RGS6: variants seen among roughly 807,000 people sequenced by gnomAD.
RGS6 encodes regulator of G-protein signaling 6.
In RGS6, 30 loss-of-function variants were observed where a neutral mutation model predicts 78.5. The observed-to-expected ratio is 0.38, with a 90% CI of 0.29 to 0.52. RGS6 has a LOEUF of 0.52. Among genes scored for constraint, RGS6 ranks in the 20% least tolerant of loss-of-function variants. The pLI is 0.85. For missense variants in RGS6, 495 were observed against 609.7 expected (o/e 0.81, Z 1.98); for synonymous variants, 206 against 206.0 (o/e 1.00, Z 0.00).
rs1356600515 is a variant in RGS6 at position 72,357,513 on chromosome 14, G to C, written c.184+5319G>C. 2.6e-5 allele frequency among the ~76,000 whole-genome samples: 4 copies of C among 152,226 alleles called. No homozygotes were observed. The South Asian group carries it at 8.3e-4, about 31-fold the overall frequency. Reference sequence around the variant, plus strand: ...TAAAGTCCAGGCTGAGGTAGTCTCAGATGGAGATGAGAAACTTGTTAGGAA... The same window carrying C: ...TAAAGTCCAGGCTGAGGTAGTCTCACATGGAGATGAGAAACTTGTTAGGAA... On this transcript the variant is annotated intron_variant, in intron 3 of 17. Coordinates refer to ENST00000553525, the MANE Select transcript of RGS6 (RefSeq NM_001204424.2).
At chr14:72,442,138 G>C (rs1284370406) in intron 3 of RGS6, among the ~76,000 whole-genome samples, 1 of 151,702 alleles carries the variant, frequency 6.6e-6, no homozygotes, top group Non-Finnish European at 1.5e-5. Context: ...TGAATCTCTG[G>C]TGTCTGGCAG....
chr14:72,336,084 A>G (rs1179020294), intron 2 of RGS6, among the ~76,000 whole-genome samples: 1 of 152,174 alleles, frequency 6.6e-6, no homozygotes, highest in Non-Finnish European at 1.5e-5. Flanking sequence ...TTGCTGCCAT[A>G]TTATATTACA....
chr14:72,045,546 G>A (rs1052972114), intron 2 of RGS6, among the ~76,000 whole-genome samples: 8 of 152,138 alleles, frequency 5.3e-5, no homozygotes, highest in Admixed American at 1.3e-4. Context: ...TCTTTTAGAC[G>A]TAATCTAATG....
At chr14:72,042,253 G>A (rs556905456) in intron 2 of RGS6, among the ~76,000 whole-genome samples, 3 of 151,044 alleles carry the variant, frequency 2.0e-5, no homozygotes, top group East Asian at 3.9e-4. Flanking sequence ...TCAGCCTCCC[G>A]AGTAGTTGGG....
intron 13 of RGS6, among the ~76,000 whole-genome samples, chr14:72,508,550 G>T (rs1170746182): frequency 1.7e-5 from 2 of 117,902 alleles, no homozygotes. Flanking sequence ...AGCTTTCCAC[G>T]CACACAAGCT....
At chr14:72,447,504 A>C (rs1284425836) in intron 3 of RGS6, among the ~76,000 whole-genome samples, 1 of 152,214 alleles carries the variant, frequency 6.6e-6, no homozygotes, top group Non-Finnish European at 1.5e-5. Flanking sequence ...CTGATAAGTA[A>C]CACAAGGATT....
chr14:72,528,279 G>A (rs1030772121), intron 15 of RGS6, among the ~76,000 whole-genome samples: 5 of 152,152 alleles, frequency 3.3e-5, no homozygotes, highest in African/African-American at 9.7e-5. Flanking sequence ...ACTGTGCCTC[G>A]GACTCTATTG....
chr14:71,892,857 A>C, the RGS6 span, among the ~76,000 whole-genome samples: 1 of 152,206 alleles, frequency 6.6e-6, no homozygotes, highest in African/African-American at 2.4e-5. Flanking sequence ...TGGTGACTTT[A>C]TGTTAATGTT....
At position 72,025,644 on chromosome 14, in the gene RGS6, A is replaced by T. The variant is rs73295120; in HGVS notation, c.84+60769A>T. 4.1e-3 allele frequency among the ~76,000 whole-genome samples: 628 copies of T among 152,270 alleles called. 3 individuals are homozygous for T. Among genetic ancestry groups the T allele is most frequent in the African/African-American group, 0.014 (595 of 41,548 alleles). On this transcript the variant is annotated intron_variant, in intron 2 of 17. Transcript: ENST00000553525. ...TGATCATCCTCTTTTTATGGTCTGA[A>T]TATCTTTGAGCCCTTCAGAAACTTT... is the stretch of plus-strand genomic sequence containing the variant.
rs145677455 is a variant in RGS6 at position 72,192,242 on chromosome 14, C to T, written c.85-159853C>T. On this transcript the variant is annotated intron_variant, in intron 2 of 17. Transcript: ENST00000553525. ...TTTCCTGGTGGGGAGTGTGACACCA[C>T]CATCTTGTTCACCATTTGCAGAGTT... Among the ~76,000 whole-genome samples, 20 of 152,298 alleles carry T rather than the reference C, an allele frequency of 1.3e-4. No homozygotes were observed. In the East Asian group the frequency reaches 3.5e-3, roughly 26 times the overall value.
chr14:72,159,490 A>T (rs1000249945), intron 2 of RGS6, among the ~76,000 whole-genome samples: 6 of 152,244 alleles, frequency 3.9e-5, no homozygotes, highest in African/African-American at 1.4e-4. Context: ...ACTGACATCC[A>T]GATTGTGATC....
At chr14:72,177,466 A>G (rs1185655453) in intron 2 of RGS6, among the ~76,000 whole-genome samples, 3 of 152,192 alleles carry the variant, frequency 2.0e-5, no homozygotes, top group Non-Finnish European at 4.4e-5. Context: ...CACCAGTCCA[A>G]CCAGAGACTA....
chr14:71,934,771 T>C (rs1353280818), intron 1 of RGS6, among the ~76,000 whole-genome samples: 1 of 152,210 alleles, frequency 6.6e-6, no homozygotes, highest in Non-Finnish European at 1.5e-5. Flanking sequence ...AGGGACATAA[T>C]TTTGTGTGAA....
chr14:71,984,484 G>GGAAAAAAAAA (rs2094605147), intron 2 of RGS6, among the ~76,000 whole-genome samples: 1 of 117,434 alleles, frequency 8.5e-6, no homozygotes, highest in African/African-American at 3.3e-5. Context: ...GTCTCAAAAA[G>GGAAAAAAAAA]AAAAAAAAAA....
intron 2 of RGS6, among the ~76,000 whole-genome samples, chr14:72,231,296 T>TA (rs71448388): frequency 0.12 from 17,536 of 152,290 alleles, 1,263 homozygotes; most frequent in East Asian, 0.33. Flanking sequence ...TTATCATTGT[T>TA]ACGATTTCAT....
intron 2 of RGS6, among the ~76,000 whole-genome samples, chr14:72,105,096 C>T (rs76635637): frequency 0.047 from 7,153 of 152,190 alleles, 207 homozygotes; most frequent in Admixed American, 0.094. Context: ...ATCCAGACAC[C>T]AAGCATGAAG....
intron 3 of RGS6, among the ~76,000 whole-genome samples, chr14:72,356,263 C>T (rs373307983): frequency 2.0e-5 from 3 of 151,942 alleles, no homozygotes; most frequent in Admixed American, 6.6e-5. Flanking sequence ...CTCATAATAG[C>T]GAGTGAGTTC....
chr14:72,366,812 A>T lies in RGS6; in HGVS notation c.184+14618A>T, dbSNP rs912817238. ...CACCTGCCCTGCAGGTGATAGACAT[A>T]TCCTGGGCAGAATGCCTGCCAGCCC... On this transcript the variant is annotated intron_variant, in intron 3 of 17. Coordinates refer to ENST00000553525, the MANE Select transcript of RGS6 (RefSeq NM_001204424.2). Among the ~76,000 whole-genome samples, 8 of 152,242 alleles carry T rather than the reference A, an allele frequency of 5.3e-5. 1 individual carries two copies. In the South Asian group the frequency reaches 1.5e-3, roughly 28 times the overall value.
chr14:71,996,457 A>C (rs2095210369), intron 2 of RGS6, among the ~76,000 whole-genome samples: 1 of 152,096 alleles, frequency 6.6e-6, no homozygotes, highest in Non-Finnish European at 1.5e-5. Flanking sequence ...AGACCCTATG[A>C]GAAACAGTGG....
Sources: allele counts gnomAD v4.1 joint callset (sites outside exome capture counted in the v4.1 genomes callset), GRCh38; gene constraint gnomAD v4.1.1; transcripts MANE v1.5; gene names NCBI Gene and HGNC (gene_info 2026-07-23, HGNC 2026-07-21).